The following DPP6 variants were observed in gnomAD, a reference collection of about 807,000 sequenced individuals.
The protein encoded by DPP6 is dipeptidyl peptidase like 6, also known as A-type potassium channel modulatory protein DPP6.
DPP6 carries 69 observed loss-of-function variants against 122.6 expected under a neutral mutation model. That is an observed-to-expected ratio of 0.56 (90% confidence interval 0.46 to 0.69). The LOEUF (loss-of-function observed/expected upper bound fraction) is 0.69. Ranked by LOEUF, DPP6 falls within the 30% of genes least tolerant of loss-of-function variation. The pLI is 0.00. For synonymous variants in DPP6, 418 were observed against 433.1 expected, an observed-to-expected ratio of 0.97 and a Z score of 0.43; for missense variants, 928 against 1,116.9, an observed-to-expected ratio of 0.83 and a Z score of 2.41.
At chr7:154,623,645 GCACACA>G (rs1211842581) in intron 5 of DPP6, among the ~76,000 whole-genome samples, 2 of 62,732 alleles carry the variant, frequency 3.2e-5, no homozygotes, top group Non-Finnish European at 7.4e-5. Context: ...GCACACACGC[GCACACA>G]CGCGCACACA....
At chr7:154,569,463 C>T (rs1586649806) in intron 5 of DPP6, among the ~76,000 whole-genome samples, 1 of 151,908 alleles carries the variant, frequency 6.6e-6, no homozygotes, top group Non-Finnish European at 1.5e-5. Context: ...TAGTACTTCC[C>T]AAGTGGGTAT....
intron 1 of DPP6, among the ~76,000 whole-genome samples, chr7:154,158,134 A>G (rs572168438): frequency 1.3e-4 from 19 of 150,158 alleles, no homozygotes; most frequent in Non-Finnish European, 2.7e-4. Context: ...GGTTAAACCA[A>G]TATGAGATGA....
At chr7:154,776,342 A>T (rs181046761) in intron 10 of DPP6, among the ~76,000 whole-genome samples, 10 of 152,034 alleles carry the variant, frequency 6.6e-5, no homozygotes, top group Admixed American at 1.3e-4. Flanking sequence ...CCATACGAGG[A>T]TCTGCACAGA....
chr7:154,364,433 T>C (rs373189994), intron 1 of DPP6, among the ~76,000 whole-genome samples: 9 of 152,092 alleles, frequency 5.9e-5, no homozygotes, highest in East Asian at 5.8e-4. Context: ...CCAGTTCATG[T>C]ATGAGAACAA....
chr7:154,677,661 G>C (rs547235339), intron 7 of DPP6, among the ~76,000 whole-genome samples: 3 of 152,216 alleles, frequency 2.0e-5, no homozygotes, highest in African/African-American at 7.2e-5. Context: ...GGGGAGGAGC[G>C]CGTGGGGAGA....
chr7:154,757,028 T>C (rs1843716306), intron 8 of DPP6, among the ~76,000 whole-genome samples: 1 of 150,734 alleles, frequency 6.6e-6, no homozygotes, highest in South Asian at 2.2e-4. Context: ...TCTTCATCTT[T>C]CACGGCCCCT....
chr7:154,444,199 T>C (rs530709465), intron 1 of DPP6, among the ~76,000 whole-genome samples: 11 of 152,206 alleles, frequency 7.2e-5, no homozygotes, highest in African/African-American at 2.4e-4. Context: ...GGCTCACGCC[T>C]GTAATCCCAG....
At chr7:154,359,004 C>A (rs943409367) in intron 1 of DPP6, among the ~76,000 whole-genome samples, 8 of 152,340 alleles carry the variant, frequency 5.3e-5, no homozygotes, top group African/African-American at 1.9e-4. Flanking sequence ...CTGCGCCTGG[C>A]CAAGAAACAA....
intron 1 of DPP6, among the ~76,000 whole-genome samples, chr7:153,965,572 G>T (rs1795658946): frequency 6.6e-6 from 1 of 152,082 alleles, no homozygotes; most frequent in Admixed American, 6.5e-5. Flanking sequence ...GAGCACAGTG[G>T]CGCGATTTCA....
At chr7:154,355,878 C>T (rs1436213948) in intron 1 of DPP6, among the ~76,000 whole-genome samples, 1 of 152,148 alleles carries the variant, frequency 6.6e-6, no homozygotes, top group African/African-American at 2.4e-5. Flanking sequence ...CACATACTCA[C>T]TCACATAGTG....
At chr7:154,506,224 GTT>G (rs35004098) in intron 3 of DPP6, among the ~76,000 whole-genome samples, 34,250 of 149,724 alleles carry the variant, frequency 0.23, 3,965 homozygotes, top group Middle Eastern at 0.33. Flanking sequence ...TTTACACACA[GTT>G]TTTTTTTTCT....
the DPP6 span, among the ~76,000 whole-genome samples, chr7:153,754,014 A>G: frequency 9.2e-5 from 14 of 152,216 alleles, no homozygotes; most frequent in Non-Finnish European, 4.4e-5. Context: ...CTTATGATCC[A>G]TGAAGAGTGT....
chr7:154,420,528 T>C (rs746329215), intron 1 of DPP6, among the ~76,000 whole-genome samples: 1 of 152,088 alleles, frequency 6.6e-6, no homozygotes, highest in Non-Finnish European at 1.5e-5. Flanking sequence ...GAGTTATTAA[T>C]GAACAGGTAT....
At chr7:154,217,444 CAT>C (rs1182842555) in intron 1 of DPP6, among the ~76,000 whole-genome samples, 1 of 152,188 alleles carries the variant, frequency 6.6e-6, no homozygotes, top group Non-Finnish European at 1.5e-5. Flanking sequence ...CTGCAAATAA[CAT>C]GTCTCTGGGA....
intron 1 of DPP6, among the ~76,000 whole-genome samples, chr7:153,934,595 G>A (rs776337072): frequency 1.3e-5 from 2 of 152,186 alleles, no homozygotes; most frequent in African/African-American, 4.8e-5. Flanking sequence ...AAAATATAGG[G>A]ATATGCCCAA....
chr7:154,005,879 G>A (rs1386048613), intron 1 of DPP6, among the ~76,000 whole-genome samples: 8 of 152,068 alleles, frequency 5.3e-5, no homozygotes, highest in Non-Finnish European at 1.2e-4. Context: ...GAGATCCTGC[G>A]GGCCTCACTG....
chr7:154,357,768 C>T (rs1811390851), intron 1 of DPP6, among the ~76,000 whole-genome samples: 1 of 151,798 alleles, frequency 6.6e-6, no homozygotes, highest in African/African-American at 2.4e-5. Flanking sequence ...ATGGTGAAAC[C>T]CCATATCTAC....
intron 1 of DPP6, among the ~76,000 whole-genome samples, chr7:154,299,669 C>G (rs35591029): frequency 0.01 from 1,562 of 152,280 alleles, 15 homozygotes; most frequent in Non-Finnish European, 0.014. Flanking sequence ...ACTTACAATC[C>G]AAAATCATCA....
chr7:154,245,915 A>G (rs909706040), intron 1 of DPP6, among the ~76,000 whole-genome samples: 8 of 152,208 alleles, frequency 5.3e-5, no homozygotes, highest in African/African-American at 9.6e-5. Flanking sequence ...TATAGAATAA[A>G]GAACATAGTC....
Sources: allele counts gnomAD v4.1 joint callset (sites outside exome capture counted in the v4.1 genomes callset), GRCh38; gene constraint gnomAD v4.1.1; transcripts MANE v1.5; gene names NCBI Gene and HGNC (gene_info 2026-07-23, HGNC 2026-07-21).